Variants in SHFL observed in about 807,000 individuals in gnomAD.
SHFL encodes the protein shiftless antiviral inhibitor of ribosomal frameshifting protein.
SHFL carries 12 observed loss-of-function variants against 34.7 expected under a neutral mutation model. The ratio of observed to expected loss-of-function variants is 0.35; its 90% confidence interval spans 0.22 to 0.56. The LOEUF is 0.56. SHFL is among the 20% of genes least tolerant of loss of function. The pLI, the probability that SHFL is intolerant of heterozygous loss-of-function variation, is 0.88. For missense variants in SHFL, 278 were observed against 411.1 expected (o/e 0.68, Z 2.80); for synonymous variants, 148 against 156.0 (o/e 0.95, Z 0.38).
chr19:10,091,452 C>A lies in SHFL; in HGVS notation c.489-24C>A, dbSNP rs1430831229. The A allele has an allele frequency of 1.3e-6, 2 of 1,540,128 alleles. No individual in the cohort carries two copies. The highest frequency in any genetic ancestry group is 1.4e-5 in the African/African-American group (1 of 72,994). ...CCCTGGCCCAGCCTCGCCCTCGGAC[C>A]CTCACAGCCCTGCCCGCCCCCAGGG... On this transcript the variant is annotated intron_variant, in intron 6 of 7. Coordinates refer to ENST00000253110, the MANE Select transcript of SHFL (RefSeq NM_018381.4). The surrounding 1 kb of genome is among the most constrained non-coding windows in gnomAD (Gnocchi z 8.2).
chr19:10,089,555 T>G (rs1027717879), intron 3 of SHFL, 102 bp from the exon 4 acceptor site: 49 of 1,474,328 alleles, frequency 3.3e-5, no homozygotes, highest in Non-Finnish European at 4.6e-6. Context: ...TCTGGCGAGT[T>G]AGGGGCACCC....
At chr19:10,089,312 CACA>C in intron 3 of SHFL, 1 of 1,598,358 alleles carries the variant, frequency 6.3e-7, no homozygotes, top group Non-Finnish European at 8.5e-7. Context: ...CTTAGCCGAG[CACA>C]ACGTGGCCTC....
chr19:10,086,366 A>G lies in SHFL; in HGVS notation c.-62A>G. On this transcript the variant is annotated 5_prime_UTR_variant, in exon 1 of 8. Coordinates refer to ENST00000253110, the MANE Select transcript of SHFL (RefSeq NM_018381.4). The surrounding 1 kb of genome is among the most constrained non-coding windows in gnomAD (Gnocchi z 5.2). ...GGCTGCTGGACCGACGGGCGCACCC[A>G]GGTAGGGGGGCGGCTGAGCCGCGCA... 2.4e-6 allele frequency: 3 copies of G among 1,260,828 alleles called. No individual in the cohort carries two copies. The highest frequency in any genetic ancestry group is 1.0e-6 in the Non-Finnish European group (1 of 994,360). The allele number at this position is 1,260,828 out of a possible 1,614,324, so 78.1% of individuals were successfully genotyped here.
chr19:10,092,182 C>T lies in SHFL; in HGVS notation c.756C>T (p.Ala252=), dbSNP rs375884540. 250 of 1,613,588 alleles carry T rather than the reference C, an allele frequency of 1.5e-4. No homozygotes were observed. The highest frequency in any genetic ancestry group is 1.8e-4 in the Non-Finnish European group (210 of 1,179,756). ...ACATTAGCAGTGGCTCCACTGTGGC[C>T]ACCTGCTTGAGCCAGGGTGGCCTCC... ...NPHISSGSTV[A]TCLSQGGLLE... The change falls in exon 8 of 8, where the codon GCC becomes GCT. Residue 252 remains alanine (A), a synonymous_variant. Coordinates refer to ENST00000253110, the MANE Select transcript of SHFL (RefSeq NM_018381.4).
chr19:10,090,371 G>C, intron 5 of SHFL: 1 of 278,962 alleles, frequency 3.6e-6, no homozygotes, highest in Non-Finnish European at 6.9e-6. Flanking sequence ...GCTAAGTAGG[G>C]AGGATCGCTT....
chr19:10,092,786 GGAGA>G lies in SHFL; in HGVS notation c.*492_*495del, dbSNP rs759925335. 25 of 1,587,352 alleles carry G rather than the reference GGAGA, an allele frequency of 1.6e-5. No individual in the cohort carries two copies. The Admixed American group carries it at 3.1e-4, about 20-fold the overall frequency. On this transcript the variant is annotated 3_prime_UTR_variant, in exon 8 of 8. Transcript: ENST00000253110. ...TGGTACAGGGCACAGTTACCTGAGG[GGAGA>G]GAGAGAGTCCATGTCCTCTCACCAG...
Position 10,086,377 on chromosome 19 carries a change from C to A in SHFL, c.-51C>A. 1 of 1,271,620 alleles carries A rather than the reference C, an allele frequency of 7.9e-7. No homozygotes were observed. The highest frequency in any genetic ancestry group is 3.5e-5 in the South Asian group (1 of 28,952). The allele number at this position is 1,271,620 out of a possible 1,614,324, so 78.8% of individuals were successfully genotyped here. ...CGACGGGCGCACCCAGGTAGGGGGG[C>A]GGCTGAGCCGCGCAGTGCGGACCCT... On this transcript the variant is annotated 5_prime_UTR_variant, in exon 1 of 8. Transcript: ENST00000253110. This position sits in a 1 kb window ranked among gnomAD's most constrained non-coding sequence, Gnocchi z 5.2.
intron 5 of SHFL, among the ~76,000 whole-genome samples, chr19:10,090,720 G>A (rs945346371): frequency 6.6e-6 from 1 of 151,904 alleles, no homozygotes; most frequent in Non-Finnish European, 1.5e-5. Context: ...GGGATTACAG[G>A]CATGAGCCAC....
At chr19:10,092,044 T>C (rs781233667) in intron 7 of SHFL, 26 bp from the exon 8 acceptor site, 4 of 1,613,640 alleles carry the variant, frequency 2.5e-6, no homozygotes, top group South Asian at 1.1e-5. Context: ...TCCAGCCCCA[T>C]GTCTGCAGCA....
Position 10,092,398 on chromosome 19 carries a change from G to T in SHFL, c.*96G>T, listed in dbSNP as rs910314515. 3.9e-6 allele frequency: 6 copies of T among 1,520,948 alleles called. No individual in the cohort carries two copies. The highest frequency in any genetic ancestry group is 2.8e-5 in the African/African-American group (2 of 71,084). 94.2% of individuals were successfully genotyped at this position (1,520,948 alleles called of 1,614,324 possible). A position where few individuals can be genotyped will look rare whatever the true frequency, so the allele number is the denominator to read the frequency against. On this transcript the variant is annotated 3_prime_UTR_variant, in exon 8 of 8. Coordinates refer to ENST00000253110, the MANE Select transcript of SHFL (RefSeq NM_018381.4). ...AAACCGAGATATGAATGACCTTGGGGAGCCATCTGAGGCCAAGATATTGAC... is the reference window on the plus strand; with the variant it reads ...AAACCGAGATATGAATGACCTTGGGTAGCCATCTGAGGCCAAGATATTGAC...
chr19:10,092,356 T>TAA lies in SHFL; in HGVS notation c.*54_*55insAA. Reference sequence around the variant, plus strand: ...CACGGTCTGTGGCTACTTTGTGTTATTATAAGATATGAGCTCAAACCGAGA... The same window carrying TAA: ...CACGGTCTGTGGCTACTTTGTGTTATAATATAAGATATGAGCTCAAACCGAGA... On this transcript the variant is annotated 3_prime_UTR_variant, in exon 8 of 8. Coordinates refer to ENST00000253110, the MANE Select transcript of SHFL (RefSeq NM_018381.4). The TAA allele has an allele frequency of 6.5e-7, 1 of 1,544,366 alleles. No homozygotes were observed. Among genetic ancestry groups the TAA allele is most frequent in the African/African-American group, 1.4e-5 (1 of 72,534 alleles).
Position 10,091,494 on chromosome 19 carries a change from GT to G in SHFL, c.508del (p.Ser170ProfsTer86). 1 of 1,542,968 alleles carries G rather than the reference GT, an allele frequency of 6.5e-7. No individual in the cohort carries two copies. Among genetic ancestry groups the G allele is most frequent in the Non-Finnish European group, 8.8e-7 (1 of 1,142,042 alleles). On this transcript the variant is annotated frameshift_variant, in exon 7 of 8. Transcript: ENST00000253110. LOFTEE classifies it high-confidence loss of function. This position sits in a 1 kb window ranked among gnomAD's most constrained non-coding sequence, Gnocchi z 8.2. ...HNFRGWAQMG[S>X]PSPCYGCGFP... ...CCCCCAGGGGCTGGGCACAGATGGG[GT>G]CCCCGTCCCCCTGCTACGGGTGCGG... is the stretch of plus-strand genomic sequence containing the variant.
At position 10,092,933 on chromosome 19, in the gene SHFL, G is replaced by C; in HGVS notation, c.*631G>C. ...CCATCTCCTCAGCAAAAAAATAGGA[G>C]CCCTGGCCCCCCAACTTTCTTCAGA... On this transcript the variant is annotated 3_prime_UTR_variant, in exon 8 of 8. Transcript: ENST00000253110. 1.7e-6 allele frequency: 1 copy of C among 597,104 alleles called. No homozygotes were observed. The allele number at this position is 597,104 out of a possible 1,614,324, so 37.0% of individuals were successfully genotyped here.
chr19:10,092,472 C>T lies in SHFL; in HGVS notation c.*170C>T. On this transcript the variant is annotated 3_prime_UTR_variant, in exon 8 of 8. Transcript: ENST00000253110. Reference sequence around the variant, plus strand: ...TTCAGCGCCCAGGGTCACAGATCCACAGTGGGAAGTTCTGTGGGACACATT... The same window carrying T: ...TTCAGCGCCCAGGGTCACAGATCCATAGTGGGAAGTTCTGTGGGACACATT... 6.6e-7 allele frequency: 1 copy of T among 1,519,384 alleles called. No individual in the cohort carries two copies. Among genetic ancestry groups the T allele is most frequent in the Non-Finnish European group, 8.9e-7 (1 of 1,127,572 alleles). 94.1% of individuals were successfully genotyped at this position (1,519,384 alleles called of 1,614,324 possible). A position where few individuals can be genotyped will look rare whatever the true frequency, so the allele number is the denominator to read the frequency against.
At chr19:10,089,348 T>A (rs376064537) in intron 3 of SHFL, 2 of 1,598,490 alleles carry the variant, frequency 1.3e-6, no homozygotes, top group Non-Finnish European at 1.7e-6. Context: ...TGTCACAACA[T>A]CAACAAGCAT....
intron 2 of SHFL, 71 bp downstream of exon 2, chr19:10,087,123 G>C: frequency 2.5e-6 from 4 of 1,587,800 alleles, no homozygotes; most frequent in Non-Finnish European, 3.4e-6. Context: ...GTGGTCTAGG[G>C]AGAGGCGTTG....
In SHFL at chr19:10,092,189, T is replaced by C. The variant is rs771329096; in HGVS notation, c.763T>C (p.Leu255=). The C allele has an allele frequency of 6.2e-7, 1 of 1,613,666 alleles. No homozygotes were observed. The highest frequency in any genetic ancestry group is 8.5e-7 in the Non-Finnish European group (1 of 1,179,738). ...CAGTGGCTCCACTGTGGCCACCTGC[T>C]TGAGCCAGGGTGGCCTCCTGGAAGA... is the stretch of plus-strand genomic sequence containing the variant. ...ISSGSTVATC[L]SQGGLLEDLD... The change falls in exon 8 of 8, where the codon TTG becomes CTG. Residue 255 remains leucine (L), a synonymous_variant. Coordinates refer to ENST00000253110, the MANE Select transcript of SHFL (RefSeq NM_018381.4).
intron 3 of SHFL, chr19:10,088,899 A>C (rs1318423767): frequency 6.6e-6 from 1 of 151,832 alleles, no homozygotes; most frequent in Non-Finnish European, 1.5e-5. Flanking sequence ...GTCAGCCAAG[A>C]TTGTGCCATT....
Position 10,093,229 on chromosome 19 carries a change from G to A in SHFL, c.*927G>A. 1 of 1,322,640 alleles carries A rather than the reference G, an allele frequency of 7.6e-7. No homozygotes were observed. Among genetic ancestry groups the A allele is most frequent in the Non-Finnish European group, 1.0e-6 (1 of 962,910 alleles). 81.9% of individuals were successfully genotyped at this position (1,322,640 alleles called of 1,614,324 possible). ...CCTTTGTTCTCTTGACGGAATAAAA[G>A]CTTGCTTATCCTTATACTTACCAGA... is the stretch of plus-strand genomic sequence containing the variant. On this transcript the variant is annotated 3_prime_UTR_variant, in exon 8 of 8. Transcript: ENST00000253110.
Sources: gnomAD v4.1 joint callset for allele counts (sites outside exome capture counted in the v4.1 genomes callset) on GRCh38, gnomAD v4.1.1 for gene constraint, Gnocchi (gnomAD v3.1) non-coding constraint, MANE v1.5 for transcripts, NCBI Gene and HGNC (gene_info 2026-07-23, HGNC 2026-07-21) for gene names.